The following ARHGAP24 variants were observed in gnomAD, a reference collection of about 807,000 sequenced individuals.
ARHGAP24 encodes the protein Rho GTPase activating protein 24, also known as rho GTPase-activating protein 24.
A neutral mutation model predicts 76.4 loss-of-function variants in ARHGAP24; 50 were observed. The observed-to-expected ratio is 0.65, with a 90% confidence interval of 0.52 to 0.83. The LOEUF (loss-of-function observed/expected upper bound fraction) is 0.83, where lower values mean the gene tolerates loss of function less well. Ranked by LOEUF, ARHGAP24 falls within the 40% of genes least tolerant of loss-of-function variation. ARHGAP24 has a pLI of 0.00. For synonymous variants in ARHGAP24, 345 were observed against 323.3 expected (o/e 1.07, Z -0.72); for missense variants, 930 against 914.2 (o/e 1.02, Z -0.22).
At chr4:85,953,638 A>AT (rs567273059) in intron 5 of ARHGAP24, among the ~76,000 whole-genome samples, 2,385 of 145,548 alleles carry the variant, frequency 0.016, 61 homozygotes, top group African/African-American at 0.052. Flanking sequence ...TCCACAGGCG[A>AT]TTTTTTTTTT....
intron 2 of ARHGAP24, among the ~76,000 whole-genome samples, chr4:85,700,526 A>G (rs559222812): frequency 7.2e-5 from 11 of 152,292 alleles, no homozygotes; most frequent in African/African-American, 2.6e-4. Context: ...ACCCTGAAAG[A>G]CAAAATTGCC....
intron 1 of ARHGAP24, among the ~76,000 whole-genome samples, chr4:85,569,931 A>G (rs1399617049): frequency 1.3e-5 from 2 of 152,242 alleles, no homozygotes; most frequent in South Asian, 2.1e-4. Flanking sequence ...GCTGTGCCCA[A>G]CAGACACAGA....
intron 5 of ARHGAP24, among the ~76,000 whole-genome samples, chr4:85,950,344 T>C (rs1161520427): frequency 6.6e-6 from 1 of 151,706 alleles, no homozygotes; most frequent in African/African-American, 2.4e-5. Context: ...AAAATCAAAT[T>C]AAAAAACTAG....
intron 3 of ARHGAP24, among the ~76,000 whole-genome samples, chr4:85,809,230 T>C (rs1194059392): frequency 2.6e-5 from 4 of 152,206 alleles, no homozygotes; most frequent in Admixed American, 2.0e-4. Context: ...TTTTCAACAT[T>C]CTTAACATTT....
At position 85,651,387 on chromosome 4, in the gene ARHGAP24, G is replaced by A. The variant is rs1229987059; in HGVS notation, c.181-70498G>A. The stretch of plus-strand genomic sequence containing the variant: ...AATAGATTTATGAATTATTTTTGTA[G>A]TAGGAATGGCAGAACCTATTGATGG... On this transcript the variant is annotated intron_variant, in intron 2 of 9. Coordinates refer to ENST00000395184, the MANE Select transcript of ARHGAP24 (RefSeq NM_001025616.3). Among the ~76,000 whole-genome samples, 4 of 149,164 alleles carry A rather than the reference G, an allele frequency of 2.7e-5. 1 individual carries two copies. Among genetic ancestry groups the A allele is most frequent in the African/African-American group, 1.0e-4 (4 of 38,598 alleles).
intron 1 of ARHGAP24, among the ~76,000 whole-genome samples, chr4:85,495,148 T>C (rs1352816675): frequency 6.6e-6 from 1 of 151,600 alleles, no homozygotes; most frequent in African/African-American, 2.4e-5. Flanking sequence ...CCTCCACTTT[T>C]ACAAACCATT....
chr4:85,834,032 ATATG>A (rs1242068177), intron 3 of ARHGAP24, among the ~76,000 whole-genome samples: 1 of 152,214 alleles, frequency 6.6e-6, no homozygotes, highest in Non-Finnish European at 1.5e-5. Flanking sequence ...AGCTGAGAAA[ATATG>A]TATGTATGTA....
intron 1 of ARHGAP24, among the ~76,000 whole-genome samples, chr4:85,514,817 TAAA>T (rs773699457): frequency 0.15 from 12,048 of 82,510 alleles, 689 homozygotes; most frequent in Middle Eastern, 0.2. Flanking sequence ...CTCTAAATTG[TAAA>T]AAAAAAAAAA....
intron 1 of ARHGAP24, among the ~76,000 whole-genome samples, chr4:85,487,791 T>C (rs1450285686): frequency 9.4e-6 from 1 of 106,496 alleles, no homozygotes; most frequent in Non-Finnish European, 1.7e-5. Context: ...ATATATTATA[T>C]AAATATATAT....
At chr4:85,742,896 A>G (rs780967343) in intron 3 of ARHGAP24, among the ~76,000 whole-genome samples, 1 of 152,220 alleles carries the variant, frequency 6.6e-6, no homozygotes, top group African/African-American at 2.4e-5. Context: ...TATCGATTAA[A>G]CTTGTTAAAA....
chr4:85,555,529 A>G (rs1473221141), intron 1 of ARHGAP24, among the ~76,000 whole-genome samples: 4 of 152,174 alleles, frequency 2.6e-5, no homozygotes, highest in Non-Finnish European at 5.9e-5. Context: ...GTATTTCCTC[A>G]TGACTGCGAT....
At chr4:85,586,097 A>G (rs1727845947) in intron 2 of ARHGAP24, among the ~76,000 whole-genome samples, 1 of 152,186 alleles carries the variant, frequency 6.6e-6, no homozygotes, top group Non-Finnish European at 1.5e-5. Context: ...GGTCAAGTGG[A>G]TGCCTCTTGT....
At chr4:85,626,418 T>G (rs1720956145) in intron 2 of ARHGAP24, among the ~76,000 whole-genome samples, 2 of 152,236 alleles carry the variant, frequency 1.3e-5, no homozygotes, top group Admixed American at 1.3e-4. Context: ...TTCTGGCTGA[T>G]AGAGTTTCTG....
At chr4:85,847,547 T>C (rs778938745) in intron 3 of ARHGAP24, among the ~76,000 whole-genome samples, 5 of 152,116 alleles carry the variant, frequency 3.3e-5, no homozygotes, top group Non-Finnish European at 5.9e-5. Context: ...GACAGACTTC[T>C]TGAAGGTGAA....
intron 2 of ARHGAP24, among the ~76,000 whole-genome samples, chr4:85,677,916 C>T (rs983157020): frequency 2.0e-5 from 3 of 152,042 alleles, no homozygotes; most frequent in South Asian, 2.1e-4. Flanking sequence ...GCCGTGTGCC[C>T]GTAGTCCCAG....
At chr4:85,896,703 G>A (rs1348435797) in intron 3 of ARHGAP24, among the ~76,000 whole-genome samples, 1 of 152,106 alleles carries the variant, frequency 6.6e-6, no homozygotes, top group Non-Finnish European at 1.5e-5. Context: ...TTTCATGCTT[G>A]CATTTCAATT....
At chr4:85,839,838 GTTTTCTT>G (rs1253038979) in intron 3 of ARHGAP24, among the ~76,000 whole-genome samples, 7 of 78,742 alleles carry the variant, frequency 8.9e-5, no homozygotes, top group African/African-American at 2.7e-4. Context: ...TCTTTTTTCT[GTTTTCTT>G]TTTTTTTTTT....
At chr4:85,727,514 G>A (rs1412873953) in intron 3 of ARHGAP24, among the ~76,000 whole-genome samples, 1 of 152,146 alleles carries the variant, frequency 6.6e-6, no homozygotes, top group African/African-American at 2.4e-5. Context: ...TTTTCCAGCA[G>A]TGATCTTCCT....
intron 3 of ARHGAP24, among the ~76,000 whole-genome samples, chr4:85,912,444 T>C (rs1368823105): frequency 6.6e-6 from 1 of 152,188 alleles, no homozygotes; most frequent in Non-Finnish European, 1.5e-5. Context: ...CCAATTGTAA[T>C]TGCTTAAGAT....
Sources: allele counts gnomAD v4.1 joint callset (sites outside exome capture counted in the v4.1 genomes callset), GRCh38; gene constraint gnomAD v4.1.1; transcripts MANE v1.5; gene names NCBI Gene and HGNC (gene_info 2026-07-23, HGNC 2026-07-21).